ZNF618: variants seen among roughly 807,000 people sequenced by gnomAD.
ZNF618 encodes neural precursor cell expressed, developmentally down-regulated 10.
ZNF618 carries 34 observed loss-of-function variants against 103.0 expected under a neutral mutation model. The ratio of observed to expected loss-of-function variants is 0.33; its 90% confidence interval spans 0.25 to 0.44. The LOEUF (loss-of-function observed/expected upper bound fraction) is 0.44. Ranked by LOEUF, ZNF618 falls within the 20% of genes least tolerant of loss-of-function variation. ZNF618 has a pLI of 1.00. For synonymous variants in ZNF618, 551 were observed against 542.2 expected (o/e 1.02, Z -0.23); for missense variants, 1,059 against 1,295.4 (o/e 0.82, Z 2.80).
intron 13 of ZNF618, among the ~76,000 whole-genome samples, chr9:114,045,511 C>G (rs4979334): frequency 0.25 from 37,589 of 151,738 alleles, 4,838 homozygotes; most frequent in African/African-American, 0.3. Context: ...ATAACCTTGT[C>G]AAAACTCAGT....
chr9:113,948,114 A>G (rs1394088242), intron 1 of ZNF618, among the ~76,000 whole-genome samples: 1 of 152,208 alleles, frequency 6.6e-6, no homozygotes, highest in Non-Finnish European at 1.5e-5. Context: ...TTGGATTTCA[A>G]TGAGTCTTTC....
intron 1 of ZNF618, among the ~76,000 whole-genome samples, chr9:113,968,463 G>T (rs1837635345): frequency 6.6e-6 from 1 of 152,286 alleles, no homozygotes; most frequent in South Asian, 2.1e-4. Flanking sequence ...ACCTCTGTCA[G>T]CCTCTGCATT....
intron 1 of ZNF618, among the ~76,000 whole-genome samples, chr9:113,953,716 C>G (rs1835983370): frequency 6.6e-6 from 1 of 152,110 alleles, no homozygotes; most frequent in Admixed American, 6.5e-5. Context: ...CTGCCTCACT[C>G]CAGACTCAGG....
At chr9:113,913,392 C>T (rs1831747882) in intron 1 of ZNF618, among the ~76,000 whole-genome samples, 1 of 152,240 alleles carries the variant, frequency 6.6e-6, no homozygotes, top group African/African-American at 2.4e-5. Context: ...GCTACATCCC[C>T]CTGACAAACC....
At chr9:113,974,367 G>C (rs537430019) in intron 2 of ZNF618, among the ~76,000 whole-genome samples, 1 of 152,362 alleles carries the variant, frequency 6.6e-6, no homozygotes, top group South Asian at 2.1e-4. Context: ...AAGGAGGCCG[G>C]TGTGGCCACG....
intron 1 of ZNF618, among the ~76,000 whole-genome samples, chr9:113,942,701 T>A (rs1834659456): frequency 6.6e-6 from 1 of 152,210 alleles, no homozygotes; most frequent in Non-Finnish European, 1.5e-5. Flanking sequence ...CCCTTGCATT[T>A]GCTGTTTTAT....
intron 10 of ZNF618, among the ~76,000 whole-genome samples, chr9:114,022,463 T>C (rs1843152042): frequency 6.6e-6 from 1 of 152,056 alleles, no homozygotes; most frequent in Non-Finnish European, 1.5e-5. Flanking sequence ...TCCAGATTTT[T>C]TGTTGCTATT....
chr9:113,965,699 G>T (rs1837332929), intron 1 of ZNF618, among the ~76,000 whole-genome samples: 1 of 152,162 alleles, frequency 6.6e-6, no homozygotes. Context: ...CAGGTGCAGA[G>T]AAAGGAACGA....
At chr9:113,890,048 T>C (rs1999203) in intron 1 of ZNF618, among the ~76,000 whole-genome samples, 15,003 of 152,178 alleles carry the variant, frequency 0.099, 1,439 homozygotes, top group East Asian at 0.5. Flanking sequence ...AATGTCAGGG[T>C]CAGGACTTGA....
chr9:113,882,928 A>C (rs867513039), intron 1 of ZNF618, among the ~76,000 whole-genome samples: 1 of 152,066 alleles, frequency 6.6e-6, no homozygotes, highest in African/African-American at 2.4e-5. Flanking sequence ...CTCTGCCCCC[A>C]TGGTACCTCC....
At chr9:113,958,434 T>C (rs991987864) in intron 1 of ZNF618, among the ~76,000 whole-genome samples, 13 of 152,186 alleles carry the variant, frequency 8.5e-5, no homozygotes, top group East Asian at 5.8e-4. Context: ...TGGCCACTTC[T>C]AGATTGCTAG....
At chr9:113,926,958 A>G (rs1439112580) in intron 1 of ZNF618, among the ~76,000 whole-genome samples, 1 of 152,238 alleles carries the variant, frequency 6.6e-6, no homozygotes, top group African/African-American at 2.4e-5. Flanking sequence ...TGTTACAATG[A>G]GCTGAGATCG....
At position 113,906,879 on chromosome 9, in the gene ZNF618, A is replaced by G. The variant is rs544936377; in HGVS notation, c.33+30466A>G. ...CCAATTTTAGGCATGGCTGGCCCAC[A>G]TATGCAGATGATGTCATCGGAAATG... On this transcript the variant is annotated intron_variant, in intron 1 of 14. Transcript: ENST00000374126. Among the ~76,000 whole-genome samples, 19 of 152,316 alleles carry G rather than the reference A, an allele frequency of 1.2e-4. 1 individual carries two copies. The South Asian group carries it at 1.9e-3, about 15-fold the overall frequency.
intron 1 of ZNF618, among the ~76,000 whole-genome samples, chr9:113,954,903 GTC>G (rs1189620969): frequency 6.6e-6 from 1 of 152,050 alleles, no homozygotes. Flanking sequence ...TCCCTCTATG[GTC>G]CACTCCCAGT....
chr9:114,009,691 T>C (rs754901169), intron 9 of ZNF618, among the ~76,000 whole-genome samples: 1 of 151,954 alleles, frequency 6.6e-6, no homozygotes, highest in Non-Finnish European at 1.5e-5. Flanking sequence ...CTTGTAAAAA[T>C]ATACACAAAA....
intron 1 of ZNF618, among the ~76,000 whole-genome samples, chr9:113,932,347 T>G (rs1833664106): frequency 6.6e-6 from 1 of 152,086 alleles, no homozygotes; most frequent in Non-Finnish European, 1.5e-5. Context: ...TGCGGCTGGT[T>G]AGGCAGGGGT....
At chr9:114,016,850 C>A in intron 10 of ZNF618, 66 bp downstream of exon 10, 1 of 1,324,704 alleles carries the variant, frequency 7.5e-7, no homozygotes, top group African/African-American at 1.5e-5. Context: ...CAGCCGTTGG[C>A]CAGGCCTCTG....
intron 10 of ZNF618, among the ~76,000 whole-genome samples, chr9:114,022,508 A>G (rs1379943476): frequency 6.7e-6 from 1 of 149,388 alleles, no homozygotes; most frequent in Non-Finnish European, 1.5e-5. Flanking sequence ...GTCAGAGAAC[A>G]TATTCTGTAT....
chr9:113,994,873 C>T (rs1191168884), intron 3 of ZNF618, among the ~76,000 whole-genome samples: 1 of 150,646 alleles, frequency 6.6e-6, no homozygotes, highest in Non-Finnish European at 1.5e-5. Flanking sequence ...TGCCATCTAA[C>T]ATTTTTATCC....
Sources: gnomAD v4.1 joint callset for allele counts (sites outside exome capture counted in the v4.1 genomes callset) on GRCh38, gnomAD v4.1.1 for gene constraint, MANE v1.5 for transcripts, NCBI Gene and HGNC (gene_info 2026-07-23, HGNC 2026-07-21) for gene names.